The following MVB12B variants were observed in gnomAD, a reference collection of about 807,000 sequenced individuals.
MVB12B encodes multivesicular body subunit 12B.
MVB12B carries 16 observed loss-of-function variants against 41.6 expected under a neutral mutation model. The observed-to-expected ratio is 0.38, with a 90% confidence interval of 0.26 to 0.58. MVB12B has a LOEUF of 0.58. MVB12B is among the 20% of genes least tolerant of loss of function. The pLI is 0.62. For missense variants in MVB12B, 274 were observed against 380.2 expected (o/e 0.72, Z 2.32); for synonymous variants, 133 against 139.7 (o/e 0.95, Z 0.34).
chr9:126,364,834 C>T (rs971677112), intron 2 of MVB12B, among the ~76,000 whole-genome samples: 7 of 151,994 alleles, frequency 4.6e-5, no homozygotes, highest in Admixed American at 3.9e-4. Context: ...TCACTGCAAG[C>T]TCCGCCTCCC....
chr9:126,493,910 C>T (rs1033789220), intron 9 of MVB12B, among the ~76,000 whole-genome samples: 1 of 152,136 alleles, frequency 6.6e-6, no homozygotes, highest in African/African-American at 2.4e-5. Flanking sequence ...GCAGTTACGT[C>T]GCCTGTGAAT....
rs10987297 is a variant in MVB12B, at chr9:126,486,498, G to A, written c.873+2466G>A. 0.24 allele frequency among the ~76,000 whole-genome samples: 36,576 copies of A among 152,214 alleles called. 4,710 individuals are homozygous for A. The highest frequency in any genetic ancestry group is 0.29 in the Non-Finnish European group (19,514 of 67,974). The stretch of plus-strand genomic sequence containing the variant: ...TACCTGCTGTTTACCATGGGGTCAC[G>A]GCAGAACCTGTCTCACGGGGTGCTT... On this transcript the variant is annotated intron_variant, in intron 9 of 9. Transcript: ENST00000361171. This position sits in a 1 kb window ranked among gnomAD's most constrained non-coding sequence, Gnocchi z 4.7.
At chr9:126,349,431 T>C (rs1829688919) in intron 2 of MVB12B, among the ~76,000 whole-genome samples, 1 of 152,178 alleles carries the variant, frequency 6.6e-6, no homozygotes, top group Admixed American at 6.5e-5. Context: ...AGAAAAAACC[T>C]GCCAAAATAC....
At chr9:126,420,344 T>C (rs1831967137) in intron 6 of MVB12B, among the ~76,000 whole-genome samples, 1 of 152,234 alleles carries the variant, frequency 6.6e-6, no homozygotes, top group African/African-American at 2.4e-5. Context: ...ATGTGTCTGC[T>C]GGTTCCCCAA....
intron 6 of MVB12B, chr9:126,396,515 G>C: frequency 1.0e-6 from 1 of 985,504 alleles, no homozygotes; most frequent in Non-Finnish European, 1.2e-6. Context: ...AACAAAATCT[G>C]TCAGGAACCG....
intron 1 of MVB12B, among the ~76,000 whole-genome samples, chr9:126,331,409 A>G (rs574747439): frequency 1.3e-5 from 2 of 152,194 alleles, no homozygotes; most frequent in Admixed American, 1.3e-4. Context: ...CTATTCGTAT[A>G]TTGTCTTTGG....
chr9:126,375,737 C>G (rs1830465127), intron 2 of MVB12B, among the ~76,000 whole-genome samples: 1 of 152,196 alleles, frequency 6.6e-6, no homozygotes, highest in Non-Finnish European at 1.5e-5. Flanking sequence ...GGTCTTTATT[C>G]TACCCTCACA....
At chr9:126,484,162 A>G (rs1833586566) in intron 9 of MVB12B, 130 bp downstream of exon 9, 4 of 798,782 alleles carry the variant, frequency 5.0e-6, no homozygotes. Context: ...TCTTCTGAGA[A>G]AAACACTTTC....
intron 7 of MVB12B, among the ~76,000 whole-genome samples, chr9:126,479,248 C>T (rs1833477154): frequency 6.6e-6 from 1 of 152,150 alleles, no homozygotes; most frequent in Non-Finnish European, 1.5e-5. Flanking sequence ...GCTTCCCAAT[C>T]TCTAAAATGA....
In MVB12B at chr9:126,395,967, A is replaced by G. The variant is rs1347415409; in HGVS notation, c.662+270A>G. Reference sequence around the variant, plus strand: ...GCAACTTAAAATTGGCTCCCTATTCAAAAGAGCTGCTAGCTACACACAGAC... The same window carrying G: ...GCAACTTAAAATTGGCTCCCTATTCGAAAGAGCTGCTAGCTACACACAGAC... On this transcript the variant is annotated intron_variant, in intron 6 of 9. Coordinates refer to ENST00000361171, the MANE Select transcript of MVB12B (RefSeq NM_033446.3). The surrounding 1 kb of genome is among the most constrained non-coding windows in gnomAD (Gnocchi z 4.9). 1.6e-6 allele frequency: 2 copies of G among 1,265,862 alleles called. No homozygotes were observed. Among genetic ancestry groups the G allele is most frequent in the Non-Finnish European group, 2.0e-6 (2 of 1,001,766 alleles). The allele number at this position is 1,265,862 out of a possible 1,614,324, so 78.4% of individuals were successfully genotyped here.
chr9:126,459,189 A>C lies in MVB12B; in HGVS notation c.758-22180A>C, dbSNP rs1833041177. ...GTAGGTTACCTGGCTGTGCTTTGGCACTGGTATTTCTTGATGCCTTGTCGT... is the reference window on the plus strand; with the variant it reads ...GTAGGTTACCTGGCTGTGCTTTGGCCCTGGTATTTCTTGATGCCTTGTCGT... On this transcript the variant is annotated intron_variant, in intron 7 of 9. Coordinates refer to ENST00000361171, the MANE Select transcript of MVB12B (RefSeq NM_033446.3). The surrounding 1 kb of genome is among the most constrained non-coding windows in gnomAD (Gnocchi z 4.3). Among the ~76,000 whole-genome samples, 2 of 152,180 alleles carry C rather than the reference A, an allele frequency of 1.3e-5. No individual in the cohort carries two copies. The highest frequency in any genetic ancestry group is 4.8e-5 in the African/African-American group (2 of 41,440).
intron 1 of MVB12B, chr9:126,335,332 G>C: frequency 7.7e-7 from 1 of 1,304,250 alleles, no homozygotes; most frequent in Non-Finnish European, 1.0e-6. Flanking sequence ...GTCCCCCACG[G>C]GTGGCCCCAA....
Position 126,500,322 on chromosome 9 carries a change from G to C in MVB12B, c.874-2855G>C, listed in dbSNP as rs192865309. On this transcript the variant is annotated intron_variant, in intron 9 of 9. Transcript: ENST00000361171. ...CATCTGAGATGCTTCGCGTTTGCAG[G>C]CATCTCCCTGGCATGGCCTTGGAGC... 3.1e-3 allele frequency among the ~76,000 whole-genome samples: 474 copies of C among 152,288 alleles called. 1 individual carries two copies. The highest frequency in any genetic ancestry group is 4.4e-3 in the Non-Finnish European group (296 of 68,022).
rs987800724 is a variant in MVB12B at position 126,469,381 on chromosome 9, A to G, written c.758-11988A>G. Among the ~76,000 whole-genome samples the G allele has an allele frequency of 9.2e-5, 14 of 152,334 alleles. No homozygotes were observed. The East Asian group carries it at 2.7e-3, about 29-fold the overall frequency. On this transcript the variant is annotated intron_variant, in intron 7 of 9. Coordinates refer to ENST00000361171, the MANE Select transcript of MVB12B (RefSeq NM_033446.3). ...TATTGGAATGGTTTCCTTAGAAAAT[A>G]TATTCATGTGCTGAAGTGTTAAAGA...
At chr9:126,471,870 A>G (rs1427033063) in intron 7 of MVB12B, among the ~76,000 whole-genome samples, 8 of 152,188 alleles carry the variant, frequency 5.3e-5, no homozygotes, top group Non-Finnish European at 1.5e-5. Context: ...CTCATTGTTC[A>G]CCAGCATCTC....
rs1303116050 is a variant in MVB12B at position 126,504,584 on chromosome 9, G to C, written c.*1321G>C. On this transcript the variant is annotated 3_prime_UTR_variant, in exon 10 of 10. Transcript: ENST00000361171. ...CCACAGTAGTGCTAGCTGAGGCCCAGAGGAACGGGAGGAAAGGGAGGCAGC... is the reference window on the plus strand; with the variant it reads ...CCACAGTAGTGCTAGCTGAGGCCCACAGGAACGGGAGGAAAGGGAGGCAGC... 1.3e-5 allele frequency: 2 copies of C among 152,792 alleles called. No homozygotes were observed. The highest frequency in any genetic ancestry group is 2.9e-5 in the Non-Finnish European group (2 of 68,186). The allele number at this position is 152,792 out of a possible 1,614,324, so 9.5% of individuals were successfully genotyped here. A position where few individuals can be genotyped will look rare whatever the true frequency, so the allele number is the denominator to read the frequency against.
intron 2 of MVB12B, among the ~76,000 whole-genome samples, chr9:126,354,558 G>A (rs184542294): frequency 2.2e-4 from 33 of 152,294 alleles, no homozygotes; most frequent in African/African-American, 4.6e-4. Context: ...CACTGTAAGC[G>A]AGTGATCCAA....
At chr9:126,424,511 G>A (rs1211830893) in intron 7 of MVB12B, among the ~76,000 whole-genome samples, 1 of 152,218 alleles carries the variant, frequency 6.6e-6, no homozygotes, top group African/African-American at 2.4e-5. Context: ...TGATTTTGCT[G>A]CTTGAATGCC....
chr9:126,371,415 C>G (rs1830335711), intron 2 of MVB12B, among the ~76,000 whole-genome samples: 1 of 152,262 alleles, frequency 6.6e-6, no homozygotes, highest in Non-Finnish European at 1.5e-5. Context: ...AACTGTCTTC[C>G]CTGCCTGGCT....
Sources: gnomAD v4.1 joint callset for allele counts (sites outside exome capture counted in the v4.1 genomes callset) on GRCh38, gnomAD v4.1.1 for gene constraint, Gnocchi (gnomAD v3.1) non-coding constraint, MANE v1.5 for transcripts, NCBI Gene and HGNC (gene_info 2026-07-23, HGNC 2026-07-21) for gene names.